Variants in WDR26 observed in about 807,000 individuals in gnomAD.
WDR26 encodes the protein WD repeat domain 26.
WDR26 carries 5 observed loss-of-function variants against 84.1 expected under a neutral mutation model. That is an observed-to-expected ratio of 0.06 (90% CI 0.03 to 0.13). The LOEUF (loss-of-function observed/expected upper bound fraction) is 0.13. Among genes scored for constraint, WDR26 ranks in the 10% least tolerant of loss-of-function variants. The pLI is 1.00. For synonymous variants in WDR26, 415 were observed against 389.6 expected (o/e 1.07, Z -0.77); for missense variants, 642 against 974.9 (o/e 0.66, Z 4.55).
intron 7 of WDR26, among the ~76,000 whole-genome samples, chr1:224,408,671 A>G (rs915017141): frequency 7.2e-6 from 1 of 138,478 alleles, no homozygotes; most frequent in Non-Finnish European, 1.5e-5. Context: ...ACAGGAGGGC[A>G]AGAGGTTTTT....
chr1:224,388,768 A>T lies in WDR26; in HGVS notation c.*1067T>A, dbSNP rs1034584253. 2 of 152,668 alleles carry T rather than the reference A, an allele frequency of 1.3e-5. No individual in the cohort carries two copies. The highest frequency in any genetic ancestry group is 2.9e-5 in the Non-Finnish European group (2 of 68,044). The allele number at this position is 152,668 out of a possible 1,614,324, so 9.5% of individuals were successfully genotyped here. ...TACTATAAACTTCCAAAGTGGTTGT[A>T]TCGCTGATTCCTACTCTTTTGCTAG... On this transcript the variant is annotated 3_prime_UTR_variant, in exon 14 of 14. Transcript: ENST00000414423.
chr1:224,403,923 C>T (rs983052524), intron 8 of WDR26, among the ~76,000 whole-genome samples: 1 of 152,072 alleles, frequency 6.6e-6, no homozygotes, highest in Non-Finnish European at 1.5e-5. Context: ...GGCGACAGAG[C>T]GAGACTCTGT....
At chr1:224,403,853 C>T (rs938787441) in intron 8 of WDR26, among the ~76,000 whole-genome samples, 2 of 152,144 alleles carry the variant, frequency 1.3e-5, no homozygotes, top group African/African-American at 4.8e-5. Context: ...AGGAGAATCG[C>T]TTGAACCCAG....
chr1:224,428,925 G>A (rs1055572775), intron 3 of WDR26, among the ~76,000 whole-genome samples: 1 of 146,524 alleles, frequency 6.8e-6, no homozygotes, highest in African/African-American at 2.5e-5. Context: ...AAAAAATGCT[G>A]ATTCATGAAA....
chr1:224,411,417 G>A lies in WDR26; in HGVS notation c.1458+10C>T, dbSNP rs754728210. On this transcript the variant is annotated intron_variant, in intron 7 of 13. Coordinates refer to ENST00000414423, the MANE Select transcript of WDR26 (RefSeq NM_001379403.1). ...TTTTGTAATATAAACACTCATATTG[G>A]GGTACATACCGGATCAACTTGCCAT... The A allele has an allele frequency of 6.3e-7, 1 of 1,597,092 alleles. No individual in the cohort carries two copies. Among genetic ancestry groups the A allele is most frequent in the African/African-American group, 1.3e-5 (1 of 74,186 alleles).
intron 7 of WDR26, among the ~76,000 whole-genome samples, chr1:224,411,212 G>A (rs1156666005): frequency 6.6e-6 from 1 of 151,976 alleles, no homozygotes; most frequent in African/African-American, 2.4e-5. Context: ...TGCATACACA[G>A]ATTTAACATT....
intron 7 of WDR26, among the ~76,000 whole-genome samples, chr1:224,407,744 G>A (rs1036448931): frequency 2.0e-5 from 3 of 151,912 alleles, no homozygotes; most frequent in African/African-American, 7.3e-5. Context: ...TCTGACCTCA[G>A]GTGACTCACC....
chr1:224,387,502 T>G lies in WDR26; in HGVS notation c.*2333A>C, dbSNP rs1673016146. 1 of 152,642 alleles carries G rather than the reference T, an allele frequency of 6.6e-6. No individual in the cohort carries two copies. The highest frequency in any genetic ancestry group is 1.5e-5 in the Non-Finnish European group (1 of 68,038). 9.5% of individuals were successfully genotyped at this position (152,642 alleles called of 1,614,324 possible). On this transcript the variant is annotated 3_prime_UTR_variant, in exon 14 of 14. Coordinates refer to ENST00000414423, the MANE Select transcript of WDR26 (RefSeq NM_001379403.1). ...TACTCCGTTTTAATAGGAGTTATGT[T>G]CTTGTAAAATGTGCCTCACTTTTAC...
Position 224,433,867 on chromosome 1 carries a change from A to G in WDR26, c.539T>C (p.Val180Ala), listed in dbSNP as rs2102930270. The G allele has an allele frequency of 1.3e-6, 2 of 1,536,844 alleles. No homozygotes were observed. Among genetic ancestry groups the G allele is most frequent in the Admixed American group, 2.0e-5 (1 of 50,994 alleles). Reference sequence around the variant, plus strand: ...GGATGCGGCGGCCGCCCCGCCGGGAACCCCGTTATTGACATTCAGGCTGTT... The same window carrying G: ...GGATGCGGCGGCCGCCCCGCCGGGAGCCCCGTTATTGACATTCAGGCTGTT... The change falls in exon 1 of 14, where the codon GTT (valine) becomes GCT (alanine). Residue 180 changes from valine to alanine, a missense_variant. Around this residue, in one of 2 missense-constraint regions of WDR26, gnomAD observed 291 missense variants for 302.1 expected, o/e 0.96. Coordinates refer to ENST00000414423, the MANE Select transcript of WDR26 (RefSeq NM_001379403.1).
rs529530437 is a variant in WDR26 at position 224,390,220 on chromosome 1, A to G, written c.2261-360T>C. 1.5e-3 allele frequency among the ~76,000 whole-genome samples: 222 copies of G among 152,290 alleles called. 4 individuals are homozygous for G. The highest frequency in any genetic ancestry group is 2.1e-3 in the East Asian group (11 of 5,180). On this transcript the variant is annotated intron_variant, in intron 13 of 13. Transcript: ENST00000414423. The stretch of plus-strand genomic sequence containing the variant: ...CTGCAACCTCTGCCTCCTTGGCTCA[A>G]GTGATCCTTCCACCTCTGCTTCCTG...
Position 224,418,251 on chromosome 1 carries a change from T to C in WDR26, c.1319+9A>G. The C allele has an allele frequency of 6.3e-7, 1 of 1,588,694 alleles. No individual in the cohort carries two copies. The highest frequency in any genetic ancestry group is 1.4e-5 in the African/African-American group (1 of 73,510). ...GGCTGTTTCAGAATATAGGAAGTTT[T>C]CCTCTTACCTACTACAAACATGGTC... On this transcript the variant is annotated intron_variant, in intron 6 of 13. Transcript: ENST00000414423.
chr1:224,398,067 C>T (rs1673311927), intron 12 of WDR26, 30 bp downstream of exon 12: 2 of 1,600,352 alleles, frequency 1.2e-6, no homozygotes, highest in Non-Finnish European at 1.7e-6. Context: ...TTAATATCAA[C>T]ATATGTAAAC....
chr1:224,420,881 T>C (rs1333729754), intron 4 of WDR26, among the ~76,000 whole-genome samples: 2 of 152,136 alleles, frequency 1.3e-5, no homozygotes, highest in African/African-American at 2.4e-5. Flanking sequence ...TACAGGCGTG[T>C]GCCACCGTGC....
intron 6 of WDR26, among the ~76,000 whole-genome samples, chr1:224,413,558 T>G (rs1245119979): frequency 6.6e-6 from 1 of 152,186 alleles, no homozygotes; most frequent in Non-Finnish European, 1.5e-5. Context: ...CTTTAGACAC[T>G]TCACATATAA....
chr1:224,400,572 T>C (rs192700598), intron 9 of WDR26, among the ~76,000 whole-genome samples: 62 of 152,238 alleles, frequency 4.1e-4, no homozygotes, highest in Non-Finnish European at 6.0e-4. Context: ...TGAGACAGAG[T>C]TTCACTCTTG....
intron 1 of WDR26, 133 bp downstream of exon 1, chr1:224,433,551 C>T (rs746773000): frequency 2.4e-6 from 3 of 1,275,690 alleles, no homozygotes; most frequent in Non-Finnish European, 2.1e-6. Context: ...GTACTGGGTC[C>T]TGCGTGCCCA....
At chr1:224,407,151 A>AAAAAAATAAAAATATATATATATATATAT in intron 7 of WDR26, among the ~76,000 whole-genome samples, 1 of 11,868 alleles carries the variant, frequency 8.4e-5, no homozygotes, top group African/African-American at 3.9e-4. Flanking sequence ...AAAAAAAAAA[A>AAAAAAATAAAAATATATATATATATATAT]ATATATATAT....
intron 7 of WDR26, among the ~76,000 whole-genome samples, 153 bp downstream of exon 7, chr1:224,411,268 CATATAT>C (rs1342838066): frequency 2.6e-5 from 4 of 152,112 alleles, no homozygotes. Context: ...TATTAACTTA[CATATAT>C]TATCTATACA....
chr1:224,392,901 TAA>T (rs201845991), intron 13 of WDR26, among the ~76,000 whole-genome samples: 24 of 134,358 alleles, frequency 1.8e-4, no homozygotes, highest in Non-Finnish European at 1.8e-4. Context: ...TCTTTCTCAC[TAA>T]AAAAAAAAAA....
Sources: allele counts gnomAD v4.1 joint callset (sites outside exome capture counted in the v4.1 genomes callset), GRCh38; gene constraint gnomAD v4.1.1; regional missense constraint gnomAD v4.1.1; transcripts MANE v1.5; gene names NCBI Gene and HGNC (gene_info 2026-07-23, HGNC 2026-07-21).